The following TPP2 variants were observed in gnomAD, a reference collection of about 807,000 sequenced individuals.
TPP2 encodes tripeptidyl-peptidase 2.
Under a neutral mutation model 155.9 loss-of-function variants are expected in TPP2, and 34 were observed. The ratio of observed to expected loss-of-function variants is 0.22; its 90% confidence interval spans 0.17 to 0.29. The LOEUF (loss-of-function observed/expected upper bound fraction) is 0.29, where lower values mean the gene tolerates loss of function less well. Ranked by LOEUF, TPP2 falls within the 10% of genes least tolerant of loss-of-function variation. The pLI, the probability that TPP2 is intolerant of heterozygous loss-of-function variation, is 1.00. For missense variants in TPP2, 1,028 were observed against 1,522.3 expected (o/e 0.68, Z 5.40); for synonymous variants, 510 against 529.4 (o/e 0.96, Z 0.50).
At position 102,657,096 on chromosome 13, in the gene TPP2, C is replaced by T; in HGVS notation, c.3032C>T (p.Thr1011Ile). 1.3e-6 allele frequency: 2 copies of T among 1,588,282 alleles called. No individual in the cohort carries two copies. Among genetic ancestry groups the T allele is most frequent in the African/African-American group, 1.4e-5 (1 of 73,180 alleles). ...PVHYYLIPPP[T>I]KTKNGSKDKE... ...CATTACTACTTAATACCTCCACCAA[C>T]AAAGACTAAGAATGGCAGCAAAGAT... The change falls in exon 25 of 30, where the codon ACA becomes ATA. Residue 1011 changes from threonine to isoleucine, a missense_variant. By Grantham distance (89) the Thr-to-Ile change is moderately conservative. Coordinates refer to ENST00000376052, the MANE Select transcript of TPP2 (RefSeq NM_001330588.2).
chr13:102,651,296 G>A, intron 23 of TPP2, 63 bp from the exon 24 acceptor site: 1 of 1,512,076 alleles, frequency 6.6e-7, no homozygotes, highest in Non-Finnish European at 9.0e-7. Flanking sequence ...TTAGACAGAG[G>A]TTCTGTCTCC....
chr13:102,637,500 A>T (rs1168150433), intron 14 of TPP2, among the ~76,000 whole-genome samples: 1 of 152,062 alleles, frequency 6.6e-6, no homozygotes, highest in African/African-American at 2.4e-5. Flanking sequence ...ATCTCCCTCT[A>T]ACTGGTGTTT....
At chr13:102,635,479 C>T in intron 11 of TPP2, 108 bp from the exon 12 acceptor site, 1 of 706,134 alleles carries the variant, frequency 1.4e-6, no homozygotes. Context: ...AGTGTTAGAA[C>T]ACAAGACATT....
chr13:102,658,868 A>G (rs598037), intron 25 of TPP2, among the ~76,000 whole-genome samples: 72,552 of 149,482 alleles, frequency 0.49, 17,503 homozygotes, highest in African/African-American at 0.57. Context: ...CTCAAGAGGT[A>G]GGGGCTCTCT....
intron 16 of TPP2, among the ~76,000 whole-genome samples, chr13:102,641,288 T>C (rs901233938): frequency 2.6e-5 from 4 of 152,180 alleles, no homozygotes; most frequent in African/African-American, 4.8e-5. Flanking sequence ...CTCCCATTGA[T>C]AGAAGGAAGC....
In TPP2 at chr13:102,657,118, A is replaced by G; in HGVS notation, c.3054A>G (p.Lys1018=). 1.3e-6 allele frequency: 2 copies of G among 1,589,154 alleles called. No individual in the cohort carries two copies. Among genetic ancestry groups the G allele is most frequent in the Non-Finnish European group, 1.7e-6 (2 of 1,171,638 alleles). Residue 1018 remains lysine (K), a synonymous_variant, in exon 25 of 30, where the codon AAA becomes AAG. Transcript: ENST00000376052. ...PPPTKTKNGS[K]DKEKDSEKEK... ...CAACAAAGACTAAGAATGGCAGCAA[A>G]GATAAGGAAAAAGATTCAGAAAAAG... is the stretch of plus-strand genomic sequence containing the variant.
chr13:102,618,081 C>T (rs539924227), intron 4 of TPP2, among the ~76,000 whole-genome samples: 45 of 152,250 alleles, frequency 3.0e-4, no homozygotes, highest in African/African-American at 1.0e-3. Flanking sequence ...TTTATATACA[C>T]TCTAGGTTAG....
chr13:102,617,880 T>C (rs1880867259), intron 4 of TPP2, among the ~76,000 whole-genome samples: 1 of 152,212 alleles, frequency 6.6e-6, no homozygotes, highest in Non-Finnish European at 1.5e-5. Flanking sequence ...TAAAGCTTCA[T>C]TTACACAACT....
At chr13:102,634,437 G>A (rs1354274616) in intron 11 of TPP2, among the ~76,000 whole-genome samples, 1 of 152,150 alleles carries the variant, frequency 6.6e-6, no homozygotes, top group African/African-American at 2.4e-5. Flanking sequence ...AACTGTAGAT[G>A]TTGCATGTTA....
chr13:102,626,178 A>C (rs1203029337), intron 6 of TPP2, among the ~76,000 whole-genome samples: 1 of 152,176 alleles, frequency 6.6e-6, no homozygotes, highest in Non-Finnish European at 1.5e-5. Context: ...ATTAGTTTGG[A>C]CCATATGATG....
At position 102,643,242 on chromosome 13, in the gene TPP2, T is replaced by C. The variant is rs1343847387; in HGVS notation, c.2041T>C (p.Ser681Pro). 6.2e-7 allele frequency: 1 copy of C among 1,603,760 alleles called. No homozygotes were observed. The highest frequency in any genetic ancestry group is 8.5e-7 in the Non-Finnish European group (1 of 1,176,868). ...TTTAGAAGTGACAGTGTGTTCGTGT[T>C]CTTCTGAGGTGTCAGCAAAGTTTGT... ...TWAEVTVCSCSSEVSAKFVLH... is the reference protein window; with the variant it reads ...TWAEVTVCSCPSEVSAKFVLH... Residue 681 changes from serine to proline, a missense_variant, in exon 17 of 30, where the codon TCT becomes CCT. By Grantham distance (74) the Ser-to-Pro change is moderately conservative. Around this residue, in one of 7 missense-constraint regions of TPP2, gnomAD observed 325 missense variants for 463.7 expected, o/e 0.70. Transcript: ENST00000376052.
intron 24 of TPP2, among the ~76,000 whole-genome samples, chr13:102,653,645 C>T (rs2139562136): frequency 6.6e-6 from 1 of 152,322 alleles, no homozygotes; most frequent in East Asian, 1.9e-4. Context: ...ATCCTCCTGG[C>T]TCAGCCTCCC....
intron 25 of TPP2, among the ~76,000 whole-genome samples, chr13:102,659,896 A>G (rs1235185200): frequency 6.6e-6 from 1 of 152,226 alleles, no homozygotes; most frequent in Non-Finnish European, 1.5e-5. Context: ...GGCCTATGTA[A>G]TATTTAAATG....
rs867788018 is a variant in TPP2, at chr13:102,663,704, C to T, written c.3200C>T (p.Pro1067Leu). 1.2e-6 allele frequency: 2 copies of T among 1,607,920 alleles called. No homozygotes were observed. Among genetic ancestry groups the T allele is most frequent in the Non-Finnish European group, 1.7e-6 (2 of 1,177,948 alleles). ...ELKETYPNYLPLYVARLHQLD... is the reference protein window; with the variant it reads ...ELKETYPNYLLLYVARLHQLD... ...AAAGAAACATATCCTAATTATCTTC[C>T]TCTGTACGTTGCACGACTTCATCAA... Residue 1067 changes from proline (P) to leucine (L), a missense_variant, in exon 26 of 30, where the codon CCT (proline) becomes CTT (leucine). Around this residue, in one of 7 missense-constraint regions of TPP2, gnomAD observed 179 missense variants for 274.7 expected, o/e 0.65. Coordinates refer to ENST00000376052, the MANE Select transcript of TPP2 (RefSeq NM_001330588.2).
chr13:102,623,495 G>A (rs746667799), intron 6 of TPP2, among the ~76,000 whole-genome samples: 4 of 152,150 alleles, frequency 2.6e-5, no homozygotes, highest in South Asian at 2.1e-4. Flanking sequence ...CCTAGGAGGC[G>A]GAGGTTGCAG....
At chr13:102,612,980 T>A (rs1271327109) in intron 2 of TPP2, among the ~76,000 whole-genome samples, 1 of 152,266 alleles carries the variant, frequency 6.6e-6, no homozygotes, top group African/African-American at 2.4e-5. Flanking sequence ...ATTTAAAAGC[T>A]AGTGACTACT....
intron 4 of TPP2, among the ~76,000 whole-genome samples, chr13:102,617,069 C>T (rs897257996): frequency 2.7e-5 from 4 of 150,598 alleles, no homozygotes; most frequent in African/African-American, 9.8e-5. Flanking sequence ...CCACCACACC[C>T]GACTAGTTTT....
chr13:102,654,528 C>T (rs1883721563), intron 24 of TPP2, among the ~76,000 whole-genome samples: 1 of 152,088 alleles, frequency 6.6e-6, no homozygotes, highest in Non-Finnish European at 1.5e-5. Flanking sequence ...ATTCAATTCT[C>T]TTTTCTCTTC....
At chr13:102,602,734 A>G (rs9585951) in intron 1 of TPP2, among the ~76,000 whole-genome samples, 3 of 152,164 alleles carry the variant, frequency 2.0e-5, no homozygotes, top group African/African-American at 7.2e-5. Flanking sequence ...TGTTGGGGTG[A>G]GGGGCATGTT....
Sources: allele counts gnomAD v4.1 joint callset (sites outside exome capture counted in the v4.1 genomes callset), GRCh38; gene constraint gnomAD v4.1.1; regional missense constraint gnomAD v4.1.1; transcripts MANE v1.5; gene names NCBI Gene and HGNC (gene_info 2026-07-23, HGNC 2026-07-21).